BTBD3: variants seen among roughly 807,000 people sequenced by gnomAD.
BTBD3 encodes the protein BTB/POZ domain-containing protein 3.
In BTBD3, 14 loss-of-function variants were observed where a neutral mutation model predicts 41.6. The ratio of observed to expected loss-of-function variants is 0.34; its 90% confidence interval spans 0.22 to 0.53. The LOEUF is 0.53. Ranked by LOEUF, BTBD3 falls within the 20% of genes least tolerant of loss-of-function variation. The pLI, the probability that BTBD3 is intolerant of heterozygous loss-of-function variation, is 0.95. For synonymous variants in BTBD3, 249 were observed against 233.7 expected, an observed-to-expected ratio of 1.07 and a Z score of -0.60; for missense variants, 426 against 654.7, an observed-to-expected ratio of 0.65 and a Z score of 3.81.
intron 1 of BTBD3, among the ~76,000 whole-genome samples, chr20:11,891,950 C>T (rs2056757175): frequency 6.6e-6 from 1 of 152,120 alleles, no homozygotes; most frequent in African/African-American, 2.4e-5. Context: ...CCCAATCGCA[C>T]ACCAGACCAA....
Position 11,917,923 on chromosome 20 carries a change from C to CA in BTBD3, c.-352dup, listed in dbSNP as rs2056929639. ...ACAACTTCAGCCGGCTGAACAGACTCACGCAGCTCCAGCCCATCTTGCTGA... is the reference window on the plus strand; with the variant it reads ...ACAACTTCAGCCGGCTGAACAGACTCAACGCAGCTCCAGCCCATCTTGCTGA... On this transcript the variant is annotated 5_prime_UTR_variant, in exon 1 of 4. Coordinates refer to ENST00000378226, the MANE Select transcript of BTBD3 (RefSeq NM_014962.4). 2.2e-5 allele frequency: 22 copies of CA among 1,019,156 alleles called. No homozygotes were observed. In the South Asian group the frequency reaches 4.9e-4, roughly 23 times the overall value. The allele number at this position is 1,019,156 out of a possible 1,614,324, so 63.1% of individuals were successfully genotyped here.
At chr20:11,894,807 C>T (rs1340880410) in intron 1 of BTBD3, among the ~76,000 whole-genome samples, 1 of 152,016 alleles carries the variant, frequency 6.6e-6, no homozygotes, top group Non-Finnish European at 1.5e-5. Context: ...CAAATGGCCC[C>T]AGTGAAAAAC....
intron 1 of BTBD3, among the ~76,000 whole-genome samples, chr20:11,898,940 C>A (rs904018238): frequency 6.6e-6 from 1 of 152,168 alleles, no homozygotes; most frequent in Non-Finnish European, 1.5e-5. Flanking sequence ...ATTCTAGAAT[C>A]TTCTCTCTTT....
chr20:11,920,718 A>C (rs1051105233), intron 3 of BTBD3, among the ~76,000 whole-genome samples: 1 of 152,178 alleles, frequency 6.6e-6, no homozygotes, highest in Non-Finnish European at 1.5e-5. Flanking sequence ...TATTACTTTA[A>C]GGTTATCTGT....
In BTBD3 at chr20:11,918,269, T is replaced by C. The variant is rs1238257648; in HGVS notation, c.-7T>C. ...TATCTAACTCTAAAGAGAGACACAC[T>C]GTACTCATGGTAGATGACAAGGAAA... On this transcript the variant is annotated 5_prime_UTR_variant, in exon 1 of 4. Coordinates refer to ENST00000378226, the MANE Select transcript of BTBD3 (RefSeq NM_014962.4). 6.4e-7 allele frequency: 1 copy of C among 1,563,898 alleles called. No homozygotes were observed. The highest frequency in any genetic ancestry group is 8.6e-7 in the Non-Finnish European group (1 of 1,161,586).
rs773237353 is a variant in BTBD3 at position 11,918,400 on chromosome 20, G to A, written c.125G>A (p.Ser42Asn). 2.5e-6 allele frequency: 4 copies of A among 1,614,148 alleles called. No individual in the cohort carries two copies. The highest frequency in any genetic ancestry group is 4.5e-5 in the East Asian group (2 of 44,878). The change falls in exon 1 of 4, where the codon AGC (serine) becomes AAC (asparagine). Residue 42 changes from serine (S) to asparagine (N), a missense_variant. By Grantham distance (46) the Ser-to-Asn change is conservative (BLOSUM62 1). This residue lies in a region of BTBD3 where 53 missense variants were observed against 74.8 expected (regional missense o/e 0.71). Transcript: ENST00000378226. ...KANTSSSSSN[S>N]SKLPPVCYEI... ...AATACCAGCAGCAGCAGTAGCAACA[G>A]CAGCAAGTTGCCACCAGTTTGTTAT...
At chr20:11,912,294 G>A (rs1600239139) in intron 1 of BTBD3, among the ~76,000 whole-genome samples, 1 of 152,192 alleles carries the variant, frequency 6.6e-6, no homozygotes, top group Non-Finnish European at 1.5e-5. Flanking sequence ...AGTGGGCACA[G>A]CAGTGAATCA....
At chr20:11,898,734 A>G (rs1487211383) in intron 1 of BTBD3, among the ~76,000 whole-genome samples, 1 of 152,164 alleles carries the variant, frequency 6.6e-6, no homozygotes, top group Non-Finnish European at 1.5e-5. Flanking sequence ...TTGTGGATCT[A>G]ACGTTGACTT....
chr20:11,897,463 A>G (rs1270534535), intron 1 of BTBD3, among the ~76,000 whole-genome samples: 3 of 114,088 alleles, frequency 2.6e-5, no homozygotes, highest in African/African-American at 1.1e-4. Flanking sequence ...TGTTAGCTCC[A>G]TTTTTTTCAT....
At chr20:11,915,275 C>G (rs1174960439), upstream of BTBD3, among the ~76,000 whole-genome samples, 1 of 152,146 alleles carries the variant, frequency 6.6e-6, no homozygotes, top group East Asian at 1.9e-4. Flanking sequence ...AGTTGGCTGT[C>G]TGCACACCTC....
chr20:11,909,045 C>G (rs1024745719), intron 1 of BTBD3, among the ~76,000 whole-genome samples: 1 of 151,878 alleles, frequency 6.6e-6, no homozygotes, highest in African/African-American at 2.4e-5. Context: ...GTCAGGAGTT[C>G]GGGTGGATCA....
At chr20:11,902,819 A>G (rs1761812566) in intron 1 of BTBD3, among the ~76,000 whole-genome samples, 4 of 152,214 alleles carry the variant, frequency 2.6e-5, no homozygotes, top group Admixed American at 2.6e-4. Flanking sequence ...GGTAACTCTC[A>G]TAGATGTGTG....
chr20:11,890,866 C>G (rs1345914160), exon 1 of BTBD3: 2 of 985,012 alleles, frequency 2.0e-6, no homozygotes, highest in Non-Finnish European at 2.4e-6. Flanking sequence ...GGCGCTGGAT[C>G]TCCGAGTGCC....
intron 1 of BTBD3, among the ~76,000 whole-genome samples, chr20:11,912,593 T>C (rs188837302): frequency 1.3e-5 from 2 of 152,320 alleles, no homozygotes; most frequent in African/African-American, 4.8e-5. Context: ...AGGAGCTAGA[T>C]TAATCTTTGA....
Position 11,922,941 on chromosome 20 carries a change from G to T in BTBD3, c.844G>T (p.Glu282Ter), listed in dbSNP as rs1454740911. The T allele has an allele frequency of 6.2e-7, 1 of 1,614,250 alleles. No homozygotes were observed. The highest frequency in any genetic ancestry group is 2.2e-5 in the East Asian group (1 of 44,882). Residue 282 changes from glutamate (E) to a stop codon, truncating the protein, a stop_gained, in exon 4 of 4, where the codon GAA becomes TAA. Transcript: ENST00000378226. LOFTEE classifies it high-confidence loss of function. ...ILRRETLNAK[E>*]IVVFEAALNW... is the part of the protein sequence containing the mutation. The stretch of plus-strand genomic sequence containing the variant: ...CCGTAGGGAAACTCTGAATGCCAAA[G>T]AAATTGTGGTTTTTGAGGCAGCTCT...
intron 1 of BTBD3, among the ~76,000 whole-genome samples, chr20:11,895,574 A>G (rs750358261): frequency 3.3e-5 from 5 of 151,756 alleles, no homozygotes; most frequent in Non-Finnish European, 7.4e-5. Flanking sequence ...TCCAGTGTTC[A>G]TGGAGGAATC....
In BTBD3 at chr20:11,924,815, G is replaced by T. The variant is rs1006419639; in HGVS notation, c.*1149G>T. 14 of 152,472 alleles carry T rather than the reference G, an allele frequency of 9.2e-5. No homozygotes were observed. Among genetic ancestry groups the T allele is most frequent in the African/African-American group, 3.4e-4 (14 of 41,396 alleles). The allele number at this position is 152,472 out of a possible 1,614,324, so 9.4% of individuals were successfully genotyped here. A position where few individuals can be genotyped will look rare whatever the true frequency, so the allele number is the denominator to read the frequency against. ...CCTAGACTGCTAGAATCTGGCCCCT[G>T]GCCATCTTAAAGTGCCAACATATGC... On this transcript the variant is annotated 3_prime_UTR_variant, in exon 4 of 4. Coordinates refer to ENST00000378226, the MANE Select transcript of BTBD3 (RefSeq NM_014962.4).
intron 1 of BTBD3, among the ~76,000 whole-genome samples, chr20:11,894,900 T>C (rs2056777479): frequency 6.6e-6 from 1 of 152,186 alleles, no homozygotes; most frequent in African/African-American, 2.4e-5. Context: ...ACAATAAGGC[T>C]TTTAGACTTT....
chr20:11,894,687 G>A (rs1041482843), intron 1 of BTBD3, among the ~76,000 whole-genome samples: 1 of 150,288 alleles, frequency 6.7e-6, no homozygotes, highest in Non-Finnish European at 1.5e-5. Flanking sequence ...ACTTTTTGGC[G>A]TTTTTCAACC....
Sources: allele counts gnomAD v4.1 joint callset (sites outside exome capture counted in the v4.1 genomes callset), GRCh38; gene constraint gnomAD v4.1.1; regional missense constraint gnomAD v4.1.1; transcripts MANE v1.5; gene names NCBI Gene and HGNC (gene_info 2026-07-23, HGNC 2026-07-21).